FER1L6: variants seen among roughly 807,000 people sequenced by gnomAD.
FER1L6 encodes the protein fer-1-like protein 6.
Under a neutral mutation model 219.2 loss-of-function variants are expected in FER1L6, and 177 were observed. The observed-to-expected ratio is 0.81, with a 90% CI of 0.71 to 0.91. The LOEUF (loss-of-function observed/expected upper bound fraction) is 0.91, where lower values mean the gene tolerates loss of function less well. Among genes scored for constraint, FER1L6 ranks in the 40% least tolerant of loss-of-function variants. The probability of loss-of-function intolerance (pLI) is 0.00; values close to 1 mark genes in which losing one functional copy is unlikely to be tolerated. For synonymous variants in FER1L6, 768 were observed against 824.3 expected (o/e 0.93, Z 1.17); for missense variants, 2,153 against 2,259.9 (o/e 0.95, Z 0.96).
chr8:123,884,638 A>G (rs1817167134), intron 1 of FER1L6, among the ~76,000 whole-genome samples: 1 of 152,192 alleles, frequency 6.6e-6, no homozygotes. Flanking sequence ...AAAAGATGGC[A>G]GGCTCAAATC....
At chr8:124,050,090 G>A (rs1424595157) in intron 22 of FER1L6, among the ~76,000 whole-genome samples, 1 of 152,178 alleles carries the variant, frequency 6.6e-6, no homozygotes, top group Non-Finnish European at 1.5e-5. Context: ...CAAACATGTG[G>A]GCACTTACCA....
chr8:123,947,620 T>C (rs1387573515), intron 1 of FER1L6, among the ~76,000 whole-genome samples: 1 of 152,200 alleles, frequency 6.6e-6, no homozygotes, highest in Non-Finnish European at 1.5e-5. Context: ...AGCCCTGCTG[T>C]GTGCCAGGCA....
intron 6 of FER1L6, 128 bp downstream of exon 6, chr8:123,970,225 T>A: frequency 1.2e-6 from 1 of 835,378 alleles, no homozygotes; most frequent in Non-Finnish European, 2.0e-6. Context: ...AGTTGGTGAG[T>A]CTAACCAACA....
chr8:123,935,615 C>G (rs1048512665), intron 1 of FER1L6, among the ~76,000 whole-genome samples: 2 of 152,070 alleles, frequency 1.3e-5, no homozygotes, highest in Non-Finnish European at 2.9e-5. Flanking sequence ...GGGTGCAGAC[C>G]CTGCTGGTGA....
chr8:123,974,437 A>G (rs974513447), intron 7 of FER1L6, among the ~76,000 whole-genome samples: 3 of 151,994 alleles, frequency 2.0e-5, no homozygotes, highest in African/African-American at 7.2e-5. Context: ...GGAGTTCAAG[A>G]CCAGCCTGGC....
intron 22 of FER1L6, among the ~76,000 whole-genome samples, chr8:124,057,348 A>G (rs1820347838): frequency 6.6e-6 from 1 of 152,124 alleles, no homozygotes. Context: ...TTGCTCCTTA[A>G]AAAGTGATCT....
At chr8:124,053,078 A>G (rs1040810569) in intron 22 of FER1L6, among the ~76,000 whole-genome samples, 1 of 152,204 alleles carries the variant, frequency 6.6e-6, no homozygotes, top group African/African-American at 2.4e-5. Flanking sequence ...GCTCAATGCT[A>G]ACTGAATTGG....
chr8:123,948,235 G>A (rs914665904), intron 1 of FER1L6, among the ~76,000 whole-genome samples: 2 of 152,168 alleles, frequency 1.3e-5, no homozygotes, highest in Non-Finnish European at 2.9e-5. Context: ...CAAGGTTGAG[G>A]ATTTACTCAA....
At chr8:123,945,472 C>T (rs901461048) in intron 1 of FER1L6, among the ~76,000 whole-genome samples, 6 of 152,214 alleles carry the variant, frequency 3.9e-5, no homozygotes, top group African/African-American at 1.4e-4. Flanking sequence ...TCCAAAATGC[C>T]TTCAAAGTTA....
chr8:124,073,403 G>A (rs187463421), intron 31 of FER1L6, among the ~76,000 whole-genome samples: 58 of 152,246 alleles, frequency 3.8e-4, no homozygotes, highest in African/African-American at 1.3e-3. Context: ...TACAGTTATG[G>A]ACAGTCAATA....
intron 39 of FER1L6, among the ~76,000 whole-genome samples, chr8:124,104,205 C>T (rs1196230771): frequency 6.6e-6 from 1 of 152,186 alleles, no homozygotes; most frequent in Non-Finnish European, 1.5e-5. Flanking sequence ...GCTGGAGAGG[C>T]TCCAGCCAGT....
At chr8:123,959,173 G>A (rs1420899475) in intron 2 of FER1L6, among the ~76,000 whole-genome samples, 4 of 152,190 alleles carry the variant, frequency 2.6e-5, no homozygotes, top group East Asian at 3.9e-4. Flanking sequence ...TAGTGAATGA[G>A]TGCTGTAGAA....
chr8:124,006,659 C>T (rs919970380), intron 13 of FER1L6, among the ~76,000 whole-genome samples: 1 of 152,196 alleles, frequency 6.6e-6, no homozygotes, highest in East Asian at 1.9e-4. Context: ...CGGAATGGGA[C>T]TGGAGAATAA....
In FER1L6 at chr8:124,085,606, A is replaced by T. The variant is rs536181907; in HGVS notation, c.4391+3148A>T. On this transcript the variant is annotated intron_variant, in intron 33 of 40. Transcript: ENST00000522917. ...AAGATACTTAATATAATTTCAATTTAAAAAAAATTTTAAAGACTTGTTTTG... is the reference window on the plus strand; with the variant it reads ...AAGATACTTAATATAATTTCAATTTTAAAAAAATTTTAAAGACTTGTTTTG... Among the ~76,000 whole-genome samples, 8 of 149,540 alleles carry T rather than the reference A, an allele frequency of 5.3e-5. No individual in the cohort carries two copies. In the East Asian group the frequency reaches 5.9e-4, roughly 11 times the overall value.
In FER1L6 at chr8:124,103,249, T is replaced by C; in HGVS notation, c.5229T>C (p.Ser1743=). 1 of 1,614,160 alleles carries C rather than the reference T, an allele frequency of 6.2e-7. No individual in the cohort carries two copies. Among genetic ancestry groups the C allele is most frequent in the Non-Finnish European group, 8.5e-7 (1 of 1,180,018 alleles). The change falls in exon 39 of 41, where the codon TCT becomes TCC. Residue 1743 remains serine, a synonymous_variant. Coordinates refer to ENST00000522917, the MANE Select transcript of FER1L6 (RefSeq NM_001039112.2). ...ATGCAAGTGAGGAGACCAAGATCTCTATATTCCAGCAAAAACGTGTGCGTG... is the reference window on the plus strand; with the variant it reads ...ATGCAAGTGAGGAGACCAAGATCTCCATATTCCAGCAAAAACGTGTGCGTG... ...FENASEETKI[S]IFQQKRVRGW...
intron 33 of FER1L6, among the ~76,000 whole-genome samples, chr8:124,086,452 A>C (rs574369565): frequency 5.9e-5 from 9 of 152,110 alleles, no homozygotes; most frequent in South Asian, 4.1e-4. Context: ...ACAAACAAAA[A>C]AAAAAAGCAA....
intron 33 of FER1L6, among the ~76,000 whole-genome samples, chr8:124,083,079 T>G (rs990475001): frequency 7.2e-5 from 11 of 152,098 alleles, no homozygotes; most frequent in Non-Finnish European, 1.3e-4. Flanking sequence ...GATACAGGAA[T>G]ATAATGCATA....
chr8:124,008,285 A>T (rs1307733956), intron 13 of FER1L6, among the ~76,000 whole-genome samples: 2 of 152,124 alleles, frequency 1.3e-5, no homozygotes, highest in Non-Finnish European at 2.9e-5. Flanking sequence ...ATTCCTTTTT[A>T]TGGCTGAGTA....
At position 124,119,853 on chromosome 8, in the gene FER1L6, C is replaced by G; in HGVS notation, c.*63C>G. ...TCCTCTCTTCCTTATCTGGGAGCATCTAAGAACATGTCCCATGCATGGCAC... is the reference window on the plus strand; with the variant it reads ...TCCTCTCTTCCTTATCTGGGAGCATGTAAGAACATGTCCCATGCATGGCAC... On this transcript the variant is annotated 3_prime_UTR_variant, in exon 41 of 41. Coordinates refer to ENST00000522917, the MANE Select transcript of FER1L6 (RefSeq NM_001039112.2). The G allele has an allele frequency of 6.5e-7, 1 of 1,533,902 alleles. No individual in the cohort carries two copies. The highest frequency in any genetic ancestry group is 1.7e-4 in the Middle Eastern group (1 of 5,784).
Sources: gnomAD v4.1 joint callset for allele counts (sites outside exome capture counted in the v4.1 genomes callset) on GRCh38, gnomAD v4.1.1 for gene constraint, MANE v1.5 for transcripts, NCBI Gene and HGNC (gene_info 2026-07-23, HGNC 2026-07-21) for gene names.